Variants in DSTN observed in about 807,000 individuals in gnomAD.
DSTN encodes the protein destrin.
DSTN carries 10 observed loss-of-function variants against 16.8 expected under a neutral mutation model. The observed-to-expected ratio is 0.60, with a 90% CI of 0.37 to 1.01. The LOEUF is 1.01. Among genes scored for constraint, DSTN ranks in the 50% least tolerant of loss-of-function variants. The pLI, the probability that DSTN is intolerant of heterozygous loss-of-function variation, is 0.01. For missense variants in DSTN, 141 were observed against 196.7 expected, an observed-to-expected ratio of 0.72 and a Z score of 1.69; for synonymous variants, 57 against 58.9, an observed-to-expected ratio of 0.97 and a Z score of 0.14.
At chr20:17,591,854 C>A in intron 1 of DSTN, 1 of 974,930 alleles carries the variant, frequency 1.0e-6, no homozygotes, top group Non-Finnish European at 1.2e-6. Context: ...AAGATATCTC[C>A]TTTTGGTCTC....
At chr20:17,574,079 C>T (rs2035238912) in intron 1 of DSTN, among the ~76,000 whole-genome samples, 1 of 152,088 alleles carries the variant, frequency 6.6e-6, no homozygotes, top group Non-Finnish European at 1.5e-5. Flanking sequence ...TGGCATGTGC[C>T]TATACTCCTA....
chr20:17,595,521 C>T (rs1021876284), intron 1 of DSTN, among the ~76,000 whole-genome samples: 5 of 151,916 alleles, frequency 3.3e-5, no homozygotes, highest in African/African-American at 1.2e-4. Flanking sequence ...TTAAGATTAT[C>T]TCCTCTGGAA....
chr20:17,588,864 G>A (rs1296400206), intron 1 of DSTN, among the ~76,000 whole-genome samples: 1 of 152,220 alleles, frequency 6.6e-6, no homozygotes, highest in African/African-American at 2.4e-5. Context: ...AAAGGATTTA[G>A]TAAGGCATGA....
intron 1 of DSTN, among the ~76,000 whole-genome samples, chr20:17,590,299 T>A (rs1386233169): frequency 6.6e-6 from 1 of 152,214 alleles, no homozygotes; most frequent in Non-Finnish European, 1.5e-5. Context: ...TAAAGAAGCT[T>A]ACACAGTGAT....
In DSTN at chr20:17,609,711, C is replaced by T. The variant is rs2035678997; in HGVS notation, c.*2565C>T. 1.3e-5 allele frequency: 2 copies of T among 152,194 alleles called. No homozygotes were observed. Among genetic ancestry groups the T allele is most frequent in the South Asian group, 4.1e-4 (2 of 4,832 alleles). 9.4% of individuals were successfully genotyped at this position (152,194 alleles called of 1,614,324 possible). ...ACAAGCACTCAAGGCGATTCTGGTA[C>T]ATAATTAGGGTTCAGACCTCAGCTG... On this transcript the variant is annotated 3_prime_UTR_variant, in exon 4 of 4. Coordinates refer to ENST00000246069, the MANE Select transcript of DSTN (RefSeq NM_006870.4).
intron 1 of DSTN, among the ~76,000 whole-genome samples, chr20:17,595,974 T>C (rs1338450195): frequency 1.3e-5 from 2 of 152,208 alleles, no homozygotes; most frequent in African/African-American, 4.8e-5. Flanking sequence ...TTTCTGTCTT[T>C]ACCTCTTCAA....
intron 1 of DSTN, among the ~76,000 whole-genome samples, chr20:17,578,961 C>CAAAAAAAAA (rs59600009): frequency 3.7e-5 from 3 of 81,396 alleles, no homozygotes; most frequent in African/African-American, 4.6e-5. Context: ...AATTCCATCT[C>CAAAAAAAAA]AAAAAAAAAA....
At chr20:17,585,414 C>T (rs1258629683) in intron 1 of DSTN, among the ~76,000 whole-genome samples, 2 of 152,056 alleles carry the variant, frequency 1.3e-5, no homozygotes, top group African/African-American at 4.8e-5. Flanking sequence ...TATTGATTTG[C>T]TAGTTAACCA....
At chr20:17,605,465 AT>A (rs2035631467) in intron 3 of DSTN, among the ~76,000 whole-genome samples, 1 of 151,982 alleles carries the variant, frequency 6.6e-6, no homozygotes, top group South Asian at 2.1e-4. Flanking sequence ...CCTGATGTTG[AT>A]TTTGTTTTGT....
chr20:17,581,172 A>G (rs1023250292), intron 1 of DSTN, among the ~76,000 whole-genome samples: 2 of 152,050 alleles, frequency 1.3e-5, no homozygotes, highest in African/African-American at 4.8e-5. Flanking sequence ...ACAAATGGGG[A>G]CAAAGACCAA....
Position 17,607,088 on chromosome 20 carries a change from G to T in DSTN, c.440G>T (p.Cys147Phe). 1.2e-6 allele frequency: 2 copies of T among 1,613,476 alleles called. No individual in the cohort carries two copies. Among genetic ancestry groups the T allele is most frequent in the Non-Finnish European group, 1.7e-6 (2 of 1,180,002 alleles). ...GGACCAGAAGATCTCAATCGGGCTT[G>T]TATTGCTGAAAAGTTAGGTGGATCC... ...ANGPEDLNRA[C>F]IAEKLGGSLI... The change falls in exon 4 of 4, where the codon TGT becomes TTT. Residue 147 changes from cysteine to phenylalanine, a missense_variant. Transcript: ENST00000246069.
intron 1 of DSTN, chr20:17,576,240 C>G (rs1318026615): frequency 6.6e-6 from 1 of 152,262 alleles, no homozygotes; most frequent in Non-Finnish European, 1.5e-5. Flanking sequence ...GCTGCCAACA[C>G]TATTCCATGT....
intron 3 of DSTN, chr20:17,605,330 TTC>T (rs2035630036): frequency 2.9e-6 from 1 of 349,412 alleles, no homozygotes. Context: ...TGGGCCTTGA[TTC>T]TCTCAGCTGT....
chr20:17,573,300 T>C (rs1024353171), intron 1 of DSTN, among the ~76,000 whole-genome samples: 3 of 152,034 alleles, frequency 2.0e-5, no homozygotes, highest in Non-Finnish European at 4.4e-5. Flanking sequence ...TGAGAAAAAA[T>C]TAAACTTTGT....
rs141033581 is a variant in DSTN, at chr20:17,574,899, G to T, written c.3+4688G>T. Among the ~76,000 whole-genome samples the T allele has an allele frequency of 9.7e-3, 701 of 71,958 alleles. 19 individuals carry two copies. In the East Asian group the frequency reaches 0.17, roughly 18 times the overall value. The allele number at this position is 71,958 out of a possible 152,430, so 47.2% of individuals were successfully genotyped here. On this transcript the variant is annotated intron_variant, in intron 1 of 3. Coordinates refer to ENST00000246069, the MANE Select transcript of DSTN (RefSeq NM_006870.4). ...TTTTTTTTTTTTTTTTTTTGAGACA[G>T]ACTCTCTTGCAGCCACCCAGGCTGG...
At chr20:17,576,429 C>G (rs1048081585) in intron 1 of DSTN, 1 of 161,710 alleles carries the variant, frequency 6.2e-6, no homozygotes, top group Admixed American at 6.5e-5. Context: ...AAGGGGACAC[C>G]TGCCTAGCCA....
chr20:17,605,611 G>T (rs548488043), intron 3 of DSTN, among the ~76,000 whole-genome samples: 11 of 152,282 alleles, frequency 7.2e-5, no homozygotes, highest in African/African-American at 2.6e-4. Flanking sequence ...GCTGGGTCAG[G>T]TTCTTCGTGC....
chr20:17,597,626 A>G (rs968648077), intron 1 of DSTN, among the ~76,000 whole-genome samples: 2 of 152,174 alleles, frequency 1.3e-5, no homozygotes, highest in African/African-American at 4.8e-5. Context: ...ATTGTCTTTT[A>G]TTTCACACTG....
intron 1 of DSTN, among the ~76,000 whole-genome samples, chr20:17,584,578 G>A (rs570700537): frequency 4.9e-4 from 75 of 151,918 alleles, no homozygotes; most frequent in African/African-American, 1.7e-3. Flanking sequence ...CTTGAACCCA[G>A]GAGGCGGAAG....
Sources: allele counts gnomAD v4.1 joint callset (sites outside exome capture counted in the v4.1 genomes callset), GRCh38; gene constraint gnomAD v4.1.1; transcripts MANE v1.5; gene names NCBI Gene and HGNC (gene_info 2026-07-23, HGNC 2026-07-21).